Variants in PTPN4 observed in about 807,000 individuals in gnomAD.
The protein encoded by PTPN4 is protein tyrosine phosphatase non-receptor type 4.
A neutral mutation model predicts 135.5 loss-of-function variants in PTPN4; 49 were observed. That is an observed-to-expected ratio of 0.36 (90% CI 0.29 to 0.46). The LOEUF (loss-of-function observed/expected upper bound fraction) is 0.46, where lower values mean the gene tolerates loss of function less well. Ranked by LOEUF, PTPN4 falls within the 20% of genes least tolerant of loss-of-function variation. PTPN4 has a pLI of 1.00. For missense variants in PTPN4, 860 were observed against 1,101.0 expected (o/e 0.78, Z 3.10); for synonymous variants, 333 against 369.9 (o/e 0.90, Z 1.14).
At chr2:119,884,451 G>C (rs898790583) in intron 8 of PTPN4, among the ~76,000 whole-genome samples, 1 of 152,112 alleles carries the variant, frequency 6.6e-6, no homozygotes, top group African/African-American at 2.4e-5. Context: ...AATATTTACT[G>C]TCCAGCCCTT....
intron 1 of PTPN4, among the ~76,000 whole-genome samples, chr2:119,806,227 A>C (rs1159783813): frequency 6.6e-6 from 1 of 152,220 alleles, no homozygotes; most frequent in Non-Finnish European, 1.5e-5. Context: ...CACATATAAC[A>C]ATATTAACCT....
At chr2:119,956,259 T>C (rs1042320388) in intron 20 of PTPN4, among the ~76,000 whole-genome samples, 6 of 142,300 alleles carry the variant, frequency 4.2e-5, no homozygotes, top group African/African-American at 8.5e-5. Flanking sequence ...TTTTTTTTTT[T>C]TGAGAAGCGG....
chr2:119,960,048 G>A (rs1294582953), intron 22 of PTPN4, among the ~76,000 whole-genome samples: 5 of 152,114 alleles, frequency 3.3e-5, no homozygotes, highest in Non-Finnish European at 5.9e-5. Context: ...AAAGTGGGAA[G>A]TTGCATATAT....
At chr2:119,854,661 C>G (rs1381555747) in intron 2 of PTPN4, among the ~76,000 whole-genome samples, 1 of 152,040 alleles carries the variant, frequency 6.6e-6, no homozygotes. Flanking sequence ...CAAGAGAAAA[C>G]AATTTGAGTT....
At chr2:119,926,703 A>G (rs1372516098) in intron 13 of PTPN4, 37 bp downstream of exon 13, 18 of 1,476,096 alleles carry the variant, frequency 1.2e-5, no homozygotes, top group Non-Finnish European at 1.7e-5. Flanking sequence ...AATTTTTTTA[A>G]AAAGATGGAT....
At chr2:119,840,128 T>C (rs1249789574) in intron 2 of PTPN4, among the ~76,000 whole-genome samples, 2 of 152,212 alleles carry the variant, frequency 1.3e-5, no homozygotes, top group African/African-American at 4.8e-5. Context: ...AACTTTTGTT[T>C]TAAGTTCAGC....
chr2:119,776,637 T>C (rs1690843834), intron 1 of PTPN4, among the ~76,000 whole-genome samples: 1 of 152,188 alleles, frequency 6.6e-6, no homozygotes, highest in South Asian at 2.1e-4. Context: ...ATCTTTCCTC[T>C]TCCTCCTCCT....
chr2:119,951,945 C>T (rs1219834010), intron 18 of PTPN4, 28 bp from the exon 19 acceptor site: 1 of 1,544,512 alleles, frequency 6.5e-7, no homozygotes, highest in Non-Finnish European at 8.7e-7. Flanking sequence ...GCATGCCAAT[C>T]TGAAACCTTA....
At chr2:119,821,998 A>G (rs1181974275) in intron 2 of PTPN4, among the ~76,000 whole-genome samples, 1 of 151,860 alleles carries the variant, frequency 6.6e-6, no homozygotes, top group Non-Finnish European at 1.5e-5. Context: ...TTTTGCTTAA[A>G]TTTCATGTAG....
intron 2 of PTPN4, among the ~76,000 whole-genome samples, chr2:119,861,365 C>A (rs1677757735): frequency 2.6e-5 from 4 of 152,094 alleles, no homozygotes; most frequent in Admixed American, 1.3e-4. Flanking sequence ...TACCAGGGAC[C>A]AAATTTTCAA....
chr2:119,774,307 G>A (rs1337743317), intron 1 of PTPN4, among the ~76,000 whole-genome samples: 2 of 152,140 alleles, frequency 1.3e-5, no homozygotes, highest in Non-Finnish European at 2.9e-5. Context: ...ATAGATTGAG[G>A]TCTGCAGCTT....
rs751852893 is a variant in PTPN4 at position 119,809,948 on chromosome 2, A to T, written c.95A>T (p.Asn32Ile). Residue 32 changes from asparagine (N) to isoleucine (I), a missense_variant, in exon 2 of 27, where the codon AAC becomes ATC. Coordinates refer to ENST00000263708, the MANE Select transcript of PTPN4 (RefSeq NM_002830.4). ...RDRQHTEVVC[N>I]ILLLDNTVQA... ...AGACAGCATACTGAAGTGGTTTGCA[A>T]CATCCTTCTTCTGGATAACACTGTA... The T allele has an allele frequency of 6.2e-7, 1 of 1,613,652 alleles. No individual in the cohort carries two copies. The highest frequency in any genetic ancestry group is 1.3e-5 in the African/African-American group (1 of 74,908).
chr2:119,760,582 A>C (rs1010857575), intron 1 of PTPN4, among the ~76,000 whole-genome samples, 198 bp downstream of exon 1: 1 of 151,852 alleles, frequency 6.6e-6, no homozygotes, highest in African/African-American at 2.4e-5. Context: ...TCTTCCTGGG[A>C]CCTCTGCTTT....
At chr2:119,825,787 C>T (rs1021147470) in intron 2 of PTPN4, among the ~76,000 whole-genome samples, 1 of 152,110 alleles carries the variant, frequency 6.6e-6, no homozygotes, top group African/African-American at 2.4e-5. Flanking sequence ...TGAGCCACCA[C>T]GCTCTGCCAA....
intron 10 of PTPN4, 70 bp from the exon 11 acceptor site, chr2:119,915,109 A>G (rs1574402298): frequency 1.6e-6 from 2 of 1,287,644 alleles, no homozygotes. Flanking sequence ...CACTTAAAAC[A>G]TTTTTTCATA....
At chr2:119,784,981 T>C (rs1266409832) in intron 1 of PTPN4, among the ~76,000 whole-genome samples, 1 of 152,030 alleles carries the variant, frequency 6.6e-6, no homozygotes, top group African/African-American at 2.4e-5. Context: ...GAAACACCTC[T>C]AAACTTCCTC....
intron 15 of PTPN4, among the ~76,000 whole-genome samples, chr2:119,939,737 T>G (rs1166192163): frequency 6.6e-6 from 1 of 152,180 alleles, no homozygotes; most frequent in Non-Finnish European, 1.5e-5. Flanking sequence ...AAGCTTTGCC[T>G]TTCCTCCACC....
At chr2:119,929,531 G>A (rs1678870896) in intron 13 of PTPN4, among the ~76,000 whole-genome samples, 1 of 151,928 alleles carries the variant, frequency 6.6e-6, no homozygotes, top group Non-Finnish European at 1.5e-5. Flanking sequence ...TTCACATTTT[G>A]CAGTTGTCAT....
At chr2:119,859,789 C>T (rs1477151696) in intron 2 of PTPN4, among the ~76,000 whole-genome samples, 1 of 152,172 alleles carries the variant, frequency 6.6e-6, no homozygotes, top group East Asian at 1.9e-4. Context: ...TTTTCACTTG[C>T]TGCCTGCTCA....
Sources: gnomAD v4.1 joint callset for allele counts (sites outside exome capture counted in the v4.1 genomes callset) on GRCh38, gnomAD v4.1.1 for gene constraint, MANE v1.5 for transcripts, NCBI Gene and HGNC (gene_info 2026-07-23, HGNC 2026-07-21) for gene names.